CA10: variants seen among roughly 807,000 people sequenced by gnomAD.
The protein encoded by CA10 is carbonic anhydrase 10 (inactive).
Under a neutral mutation model 44.2 loss-of-function variants are expected in CA10, and 14 were observed. The observed-to-expected ratio is 0.32, with a 90% CI of 0.21 to 0.50. The LOEUF (loss-of-function observed/expected upper bound fraction) is 0.50. Ranked by LOEUF, CA10 falls within the 20% of genes least tolerant of loss-of-function variation. The probability of loss-of-function intolerance (pLI) is 0.99; values close to 1 mark genes in which losing one functional copy is unlikely to be tolerated. For missense variants in CA10, 350 were observed against 409.7 expected (o/e 0.85, Z 1.26); for synonymous variants, 159 against 141.6 (o/e 1.12, Z -0.87).
intron 2 of CA10, among the ~76,000 whole-genome samples, chr17:52,036,083 T>A (rs914623535): frequency 6.6e-6 from 1 of 152,082 alleles, no homozygotes; most frequent in East Asian, 1.9e-4. Context: ...GCCTGAGAAT[T>A]TGCATTTCCC....
chr17:51,729,393 A>C (rs1916638701), intron 4 of CA10, among the ~76,000 whole-genome samples: 1 of 152,044 alleles, frequency 6.6e-6, no homozygotes, highest in Admixed American at 6.5e-5. Context: ...ACAAACACAC[A>C]GTGAGTGAGT....
At chr17:51,942,627 C>G (rs1451548179) in intron 2 of CA10, among the ~76,000 whole-genome samples, 1 of 151,166 alleles carries the variant, frequency 6.6e-6, no homozygotes, top group South Asian at 2.1e-4. Context: ...TTGAACCTAG[C>G]TACTAGTAGC....
At chr17:51,793,479 T>G (rs1456476847) in intron 3 of CA10, among the ~76,000 whole-genome samples, 3 of 152,158 alleles carry the variant, frequency 2.0e-5, no homozygotes, top group Non-Finnish European at 4.4e-5. Context: ...ATCTTTAATT[T>G]GCTAAAAACT....
chr17:51,899,016 G>C (rs777762316), intron 3 of CA10, among the ~76,000 whole-genome samples: 1 of 151,404 alleles, frequency 6.6e-6, no homozygotes, highest in Non-Finnish European at 1.5e-5. Context: ...TTTATCTTTT[G>C]TATGGTTTTC....
At chr17:52,151,338 T>C (rs1214357280) in intron 1 of CA10, among the ~76,000 whole-genome samples, 1 of 152,146 alleles carries the variant, frequency 6.6e-6, no homozygotes, top group African/African-American at 2.4e-5. Flanking sequence ...AACATACTAT[T>C]CTTGCCACAT....
chr17:51,712,698 A>C (rs1057439665), intron 4 of CA10, among the ~76,000 whole-genome samples: 1 of 152,204 alleles, frequency 6.6e-6, no homozygotes. Context: ...CTCCCAATAT[A>C]GTGTGCAGGT....
At chr17:51,737,491 C>T (rs752935237) in intron 4 of CA10, among the ~76,000 whole-genome samples, 2 of 151,810 alleles carry the variant, frequency 1.3e-5, no homozygotes, top group Non-Finnish European at 2.9e-5. Context: ...CTTAAAAAGC[C>T]CTATCACAGA....
Position 52,066,027 on chromosome 17 carries a change from G to A in CA10, c.136+6292C>T, listed in dbSNP as rs148535453. 5.5e-3 allele frequency among the ~76,000 whole-genome samples: 845 copies of A among 152,262 alleles called. 11 individuals are homozygous for A. Among genetic ancestry groups the A allele is most frequent in the African/African-American group, 0.019 (799 of 41,544 alleles). ...GGTGACTTGCTTCCTCTTCCAACAC[G>A]ATTGTAAGTTTCATGAGGCCTCCCC... On this transcript the variant is annotated intron_variant, in intron 2 of 8. Transcript: ENST00000451037.
intron 2 of CA10, among the ~76,000 whole-genome samples, chr17:51,964,333 A>G (rs976632232): frequency 3.9e-5 from 6 of 152,094 alleles, no homozygotes; most frequent in Non-Finnish European, 7.4e-5. Flanking sequence ...CAGTACCCCA[A>G]TGACAGCATT....
rs192255892 is a variant in CA10 at position 51,875,777 on chromosome 17, C to T, written c.279+55213G>A. 6.6e-5 allele frequency among the ~76,000 whole-genome samples: 10 copies of T among 152,190 alleles called. No homozygotes were observed. In the East Asian group the frequency reaches 1.9e-3, roughly 29 times the overall value. Reference sequence around the variant, plus strand: ...AGGATACAGAACAATTCCAACACCCCCAACATTTCCCTCAAGCAGTTTCTT... The same window carrying T: ...AGGATACAGAACAATTCCAACACCCTCAACATTTCCCTCAAGCAGTTTCTT... On this transcript the variant is annotated intron_variant, in intron 3 of 8. Coordinates refer to ENST00000451037, the MANE Select transcript of CA10 (RefSeq NM_020178.5).
intron 1 of CA10, among the ~76,000 whole-genome samples, chr17:52,149,233 T>G (rs908950494): frequency 6.6e-6 from 1 of 152,232 alleles, no homozygotes; most frequent in Non-Finnish European, 1.5e-5. Flanking sequence ...CAGGCCTCAT[T>G]TCCTACTGCC....
chr17:51,635,800 A>ATT (rs542366566), intron 7 of CA10, 55 bp downstream of exon 7: 9 of 1,376,410 alleles, frequency 6.5e-6, no homozygotes, highest in Non-Finnish European at 8.9e-6. Context: ...CATTTCAGTG[A>ATT]TTTTTTTTTA....
At chr17:51,826,061 G>A (rs1907998531) in intron 3 of CA10, among the ~76,000 whole-genome samples, 1 of 152,232 alleles carries the variant, frequency 6.6e-6, no homozygotes, top group Non-Finnish European at 1.5e-5. Flanking sequence ...TTGCTGAAGT[G>A]GGTACAGAGG....
At chr17:51,764,156 A>G (rs1905289826) in intron 3 of CA10, among the ~76,000 whole-genome samples, 1 of 152,180 alleles carries the variant, frequency 6.6e-6, no homozygotes, top group Non-Finnish European at 1.5e-5. Flanking sequence ...CAGTATCTCT[A>G]TGAAACTCTT....
chr17:51,897,102 T>C (rs1981105049), intron 3 of CA10, among the ~76,000 whole-genome samples: 1 of 152,188 alleles, frequency 6.6e-6, no homozygotes, highest in Non-Finnish European at 1.5e-5. Flanking sequence ...ATTTTGTTGC[T>C]GTTGCAATTA....
At chr17:51,797,750 C>G (rs1906769008) in intron 3 of CA10, among the ~76,000 whole-genome samples, 1 of 145,770 alleles carries the variant, frequency 6.9e-6, no homozygotes, top group Admixed American at 7.3e-5. Context: ...GCTACTCAGG[C>G]TGAGGCAGGA....
chr17:51,977,526 TGGG>T (rs991211137), intron 2 of CA10, among the ~76,000 whole-genome samples: 4 of 151,932 alleles, frequency 2.6e-5, no homozygotes, highest in Non-Finnish European at 4.4e-5. Flanking sequence ...AAACTAGAAA[TGGG>T]GGGAAGTCTT....
intron 3 of CA10, among the ~76,000 whole-genome samples, chr17:51,803,280 C>T (rs1788547583): frequency 6.6e-6 from 1 of 152,156 alleles, no homozygotes. Flanking sequence ...AGTGGCCCTA[C>T]CTTCCATCCT....
At chr17:51,920,146 C>A (rs1375631393) in intron 3 of CA10, among the ~76,000 whole-genome samples, 1 of 152,142 alleles carries the variant, frequency 6.6e-6, no homozygotes, top group Admixed American at 6.6e-5. Flanking sequence ...TCTGGGATAA[C>A]TTGAATTTTC....
Sources: allele counts gnomAD v4.1 joint callset (sites outside exome capture counted in the v4.1 genomes callset), GRCh38; gene constraint gnomAD v4.1.1; transcripts MANE v1.5; gene names NCBI Gene and HGNC (gene_info 2026-07-23, HGNC 2026-07-21).